Variants in PCDH9 observed in about 807,000 individuals in gnomAD.
The protein encoded by PCDH9 is protocadherin 9.
Under a neutral mutation model 70.6 loss-of-function variants are expected in PCDH9, and 24 were observed. The observed-to-expected ratio is 0.34, with a 90% CI of 0.25 to 0.48. The LOEUF (loss-of-function observed/expected upper bound fraction) is 0.48, where lower values mean the gene tolerates loss of function less well. Among genes scored for constraint, PCDH9 ranks in the 20% least tolerant of loss-of-function variants. PCDH9 has a pLI of 0.99. For missense variants in PCDH9, 1,281 were observed against 1,503.6 expected (o/e 0.85, Z 2.45); for synonymous variants, 562 against 558.5 (o/e 1.01, Z -0.09).
intron 4 of PCDH9, among the ~76,000 whole-genome samples, chr13:66,395,114 G>A (rs1957080051): frequency 6.6e-6 from 1 of 152,086 alleles, no homozygotes; most frequent in Non-Finnish European, 1.5e-5. Flanking sequence ...CCTCATACAT[G>A]AGAACAACTC....
rs545652834 is a variant in PCDH9, at chr13:66,454,516, C to G, written c.3341-149488G>C. Among the ~76,000 whole-genome samples the G allele has an allele frequency of 3.3e-4, 50 of 152,302 alleles. 1 individual carries two copies. The highest frequency in any genetic ancestry group is 6.8e-3 in the Middle Eastern group (2 of 294). ...TGAGGAGAGAACTAGCCTCTCTTTC[C>G]TAGCCAATGATATCCTATGTATAAA... On this transcript the variant is annotated intron_variant, in intron 4 of 4. Coordinates refer to ENST00000377865, the MANE Select transcript of PCDH9 (RefSeq NM_203487.3).
intron 3 of PCDH9, among the ~76,000 whole-genome samples, chr13:66,754,155 A>G (rs1449097915): frequency 6.6e-6 from 1 of 152,014 alleles, no homozygotes; most frequent in East Asian, 1.9e-4. Flanking sequence ...TTCTCACTCA[A>G]AAATGGGAGT....
intron 3 of PCDH9, among the ~76,000 whole-genome samples, chr13:66,717,495 A>G (rs1166842518): frequency 2.8e-5 from 2 of 71,478 alleles, no homozygotes; most frequent in East Asian, 7.0e-4. Flanking sequence ...ATATATATAT[A>G]TATATATATA....
intron 2 of PCDH9, among the ~76,000 whole-genome samples, chr13:66,946,623 T>C (rs1464150690): frequency 2.0e-5 from 3 of 152,154 alleles, no homozygotes; most frequent in African/African-American, 7.2e-5. Flanking sequence ...TATGTAATAC[T>C]AAATTATAAC....
intron 4 of PCDH9, among the ~76,000 whole-genome samples, chr13:66,538,976 A>G (rs1275769396): frequency 6.6e-6 from 1 of 152,084 alleles, no homozygotes; most frequent in Non-Finnish European, 1.5e-5. Flanking sequence ...AAAATAAATT[A>G]TATATACACA....
chr13:66,452,549 T>G (rs981050901), intron 4 of PCDH9, among the ~76,000 whole-genome samples: 2 of 152,146 alleles, frequency 1.3e-5, no homozygotes, highest in African/African-American at 4.8e-5. Flanking sequence ...CTTACACCAC[T>G]TCTTTGGTTC....
At chr13:66,374,891 G>A (rs1029896205) in intron 4 of PCDH9, among the ~76,000 whole-genome samples, 6 of 152,052 alleles carry the variant, frequency 3.9e-5, no homozygotes, top group Non-Finnish European at 5.9e-5. Context: ...AGGAATAGTA[G>A]ATCATCACAG....
intron 4 of PCDH9, among the ~76,000 whole-genome samples, chr13:66,373,506 T>C (rs1956695033): frequency 1.3e-5 from 2 of 151,886 alleles, no homozygotes; most frequent in Admixed American, 1.3e-4. Flanking sequence ...ATATGCTTTA[T>C]TGCAACTAAA....
At chr13:66,783,328 C>T (rs1400355725) in intron 3 of PCDH9, among the ~76,000 whole-genome samples, 1 of 152,098 alleles carries the variant, frequency 6.6e-6, no homozygotes, top group Non-Finnish European at 1.5e-5. Flanking sequence ...TTGTCCTACT[C>T]TGCCATAGCT....
rs2089218528 is a variant in PCDH9 at position 67,201,750 on chromosome 13, T to G, written c.3036+23655A>C. 4 of 152,040 alleles carry G rather than the reference T, an allele frequency of 2.6e-5. No homozygotes were observed. In the South Asian group the frequency reaches 8.3e-4, roughly 31 times the overall value. The allele number at this position is 152,040 out of a possible 1,614,324, so 9.4% of individuals were successfully genotyped here. Reference sequence around the variant, plus strand: ...AATACCTTTAATTATCAATTTTCAATTGGGAAAATTTCCCCTATAATTCTT... The same window carrying G: ...AATACCTTTAATTATCAATTTTCAAGTGGGAAAATTTCCCCTATAATTCTT... On this transcript the variant is annotated intron_variant, in intron 2 of 4. Coordinates refer to ENST00000377865, the MANE Select transcript of PCDH9 (RefSeq NM_203487.3).
chr13:66,564,931 C>G (rs551155418), intron 4 of PCDH9, among the ~76,000 whole-genome samples: 27 of 151,768 alleles, frequency 1.8e-4, no homozygotes, highest in South Asian at 8.3e-4. Context: ...AAGGGTTATA[C>G]TCATGCACAT....
chr13:66,629,359 T>A (rs956975501), intron 4 of PCDH9, among the ~76,000 whole-genome samples: 4 of 152,204 alleles, frequency 2.6e-5, no homozygotes, highest in Non-Finnish European at 4.4e-5. Flanking sequence ...GCTGTGAGAC[T>A]CTTAGCTTTA....
At chr13:67,211,179 A>C (rs1188113572) in intron 2 of PCDH9, 2 of 152,022 alleles carry the variant, frequency 1.3e-5, no homozygotes, top group Admixed American at 1.3e-4. Flanking sequence ...AATAATATTT[A>C]ATTAACAAGT....
intron 3 of PCDH9, among the ~76,000 whole-genome samples, chr13:66,674,522 C>A (rs1001918246): frequency 3.3e-5 from 5 of 152,046 alleles, no homozygotes; most frequent in African/African-American, 1.2e-4. Context: ...GTGCTGTATT[C>A]TGGAATTATA....
At chr13:67,010,205 G>T (rs1248452622) in intron 2 of PCDH9, among the ~76,000 whole-genome samples, 1 of 151,904 alleles carries the variant, frequency 6.6e-6, no homozygotes, top group Non-Finnish European at 1.5e-5. Context: ...AGTGGTTGTT[G>T]TTTTAAGATA....
intron 4 of PCDH9, among the ~76,000 whole-genome samples, chr13:66,621,688 A>G (rs1204939369): frequency 6.6e-6 from 1 of 152,246 alleles, no homozygotes; most frequent in Admixed American, 6.5e-5. Flanking sequence ...ATCTAGTACC[A>G]AAGACAAACA....
rs1407853518 is a variant in PCDH9 at position 66,305,520 on chromosome 13, AAAAT to A, written c.3341-496_3341-493del. Among the ~76,000 whole-genome samples the A allele has an allele frequency of 5.3e-5, 8 of 152,248 alleles. No individual in the cohort carries two copies. The South Asian group carries it at 6.2e-4, about 12-fold the overall frequency. ...TACCACTTGAAACATAGCATCATTA[AAAAT>A]AAATACTCTAAATGATTATATAAAA... On this transcript the variant is annotated intron_variant, in intron 4 of 4. Transcript: ENST00000377865.
intron 3 of PCDH9, among the ~76,000 whole-genome samples, chr13:66,871,565 G>T: frequency 6.6e-6 from 1 of 151,974 alleles, no homozygotes; most frequent in Non-Finnish European, 1.5e-5. Flanking sequence ...GTTACTTATT[G>T]CTTATTAATT....
At chr13:66,748,582 A>G (rs9529128) in intron 3 of PCDH9, among the ~76,000 whole-genome samples, 135,874 of 152,176 alleles carry the variant, frequency 0.89, 62,678 homozygotes, top group Non-Finnish European at 1. Flanking sequence ...GATCACATGA[A>G]GATGTAGTGT....
Sources: gnomAD v4.1 joint callset for allele counts (sites outside exome capture counted in the v4.1 genomes callset) on GRCh38, gnomAD v4.1.1 for gene constraint, MANE v1.5 for transcripts, NCBI Gene and HGNC (gene_info 2026-07-23, HGNC 2026-07-21) for gene names.